The following SLC9A1 variants were observed in gnomAD, a reference collection of about 807,000 sequenced individuals.
SLC9A1 encodes the protein solute carrier family 9 member A1.
SLC9A1 carries 22 observed loss-of-function variants against 67.9 expected under a neutral mutation model. The observed-to-expected ratio is 0.32, with a 90% CI of 0.23 to 0.46. The LOEUF (loss-of-function observed/expected upper bound fraction) is 0.46, where lower values mean the gene tolerates loss of function less well. SLC9A1 is among the 20% of genes least tolerant of loss of function. The pLI is 1.00. For synonymous variants in SLC9A1, 421 were observed against 471.8 expected (o/e 0.89, Z 1.40); for missense variants, 686 against 1,094.8 (o/e 0.63, Z 5.27).
chr1:27,115,343 C>G (rs775813336), intron 1 of SLC9A1, among the ~76,000 whole-genome samples: 1 of 152,154 alleles, frequency 6.6e-6, no homozygotes, highest in African/African-American at 2.4e-5. Context: ...GTTGAGAGGG[C>G]CTCTCTCAAT....
rs2083125453 is a variant in SLC9A1, at chr1:27,099,708, C to T, written c.*599G>A. On this transcript the variant is annotated 3_prime_UTR_variant, in exon 12 of 12. Coordinates refer to ENST00000263980, the MANE Select transcript of SLC9A1 (RefSeq NM_003047.5). ...CACGTCACTGTCACCGTAGAAACCA[C>T]CCCTGCTCCAGGCAGAGACACTCAG... 6.6e-6 allele frequency: 1 copy of T among 152,576 alleles called. No homozygotes were observed. Among genetic ancestry groups the T allele is most frequent in the Admixed American group, 6.5e-5 (1 of 15,270 alleles). 9.5% of individuals were successfully genotyped at this position (152,576 alleles called of 1,614,324 possible). A position where few individuals can be genotyped will look rare whatever the true frequency, so the allele number is the denominator to read the frequency against.
rs952782624 is a variant in SLC9A1 at position 27,155,096 on chromosome 1, C to G, written c.-762G>C. On this transcript the variant is annotated 5_prime_UTR_variant, in exon 1 of 12. Coordinates refer to ENST00000263980, the MANE Select transcript of SLC9A1 (RefSeq NM_003047.5). The surrounding 1 kb of genome is among the most constrained non-coding windows in gnomAD (Gnocchi z 4.5). ...CCTCCTGGTCCAGCTCCAGAACTAA[C>G]CCTAGCCCCGGCCCCGGCGGCAGCA... 2.0e-5 allele frequency among the ~76,000 whole-genome samples: 3 copies of G among 152,180 alleles called. No individual in the cohort carries two copies. The highest frequency in any genetic ancestry group is 2.1e-4 in the South Asian group (1 of 4,822).
intron 1 of SLC9A1, among the ~76,000 whole-genome samples, chr1:27,142,933 A>T (rs1288308869): frequency 6.6e-6 from 1 of 151,826 alleles, no homozygotes; most frequent in Non-Finnish European, 1.5e-5. Flanking sequence ...ACCTCCTCCA[A>T]GGATTCATCC....
rs2083427828 is a variant in SLC9A1 at position 27,137,584 on chromosome 1, C to G, written c.352+16399G>C. 1.3e-5 allele frequency among the ~76,000 whole-genome samples: 2 copies of G among 152,204 alleles called. No homozygotes were observed. The highest frequency in any genetic ancestry group is 1.3e-4 in the Admixed American group (2 of 15,284). ...CCCCTTATCTTCTCCTCCTGGACTT[C>G]TGCAGTCTCTAGGATCCCTCCCAGT... On this transcript the variant is annotated intron_variant, in intron 1 of 11. Transcript: ENST00000263980. The surrounding 1 kb of genome is among the most constrained non-coding windows in gnomAD (Gnocchi z 4.6).
At chr1:27,131,953 T>A (rs113776411) in intron 1 of SLC9A1, among the ~76,000 whole-genome samples, 64,327 of 96,088 alleles carry the variant, frequency 0.67, 20,879 homozygotes, top group East Asian at 0.86. Flanking sequence ...AAAAAATATA[T>A]ATATATATAT....
At position 27,113,823 on chromosome 1, in the gene SLC9A1, C is replaced by T; in HGVS notation, c.813+3G>A. On this transcript the variant is annotated splice_donor_region_variant and intron_variant, in intron 2 of 11. Coordinates refer to ENST00000263980, the MANE Select transcript of SLC9A1 (RefSeq NM_003047.5). ...ACATGGGCATGGCCCCTGGCCTCCT[C>T]ACCACAGTGACGGCGTCATTGAGCA... 3.7e-6 allele frequency: 6 copies of T among 1,608,048 alleles called. No individual in the cohort carries two copies. The highest frequency in any genetic ancestry group is 5.1e-6 in the Non-Finnish European group (6 of 1,175,672).
rs2083249768 is a variant in SLC9A1 at position 27,114,091 on chromosome 1, G to C, written c.548C>G (p.Thr183Arg). ...AGYFLPLRQF[T>R]ENLGTILIFA... ...GATCAGGATGGTGCCCAGGTTTTCT[G>C]TGAACTGCCGCAGTGGCAGGAAGTA... The change falls in exon 2 of 12, where the codon ACA becomes AGA. Residue 183 changes from threonine to arginine, a missense_variant. Transcript: ENST00000263980. This position sits in a 1 kb window ranked among gnomAD's most constrained non-coding sequence, Gnocchi z 5.4. 3 of 1,614,198 alleles carry C rather than the reference G, an allele frequency of 1.9e-6. No homozygotes were observed. Among genetic ancestry groups the C allele is most frequent in the Non-Finnish European group, 2.5e-6 (3 of 1,180,040 alleles).
At position 27,100,047 on chromosome 1, in the gene SLC9A1, C is replaced by T; in HGVS notation, c.*260G>A. The T allele has an allele frequency of 2.4e-6, 1 of 415,332 alleles. No individual in the cohort carries two copies. Among genetic ancestry groups the T allele is most frequent in the Non-Finnish European group, 4.3e-6 (1 of 234,924 alleles). The allele number at this position is 415,332 out of a possible 1,614,324, so 25.7% of individuals were successfully genotyped here. ...GTCCAGGTCCGGGAGAAGCCTGGAT[C>T]TAGGGAGGGGCAGGGCCGGCCTCAC... On this transcript the variant is annotated 3_prime_UTR_variant, in exon 12 of 12. Transcript: ENST00000263980. This position sits in a 1 kb window ranked among gnomAD's most constrained non-coding sequence, Gnocchi z 5.6.
chr1:27,140,568 T>C (rs1265745125), intron 1 of SLC9A1, among the ~76,000 whole-genome samples: 1 of 152,060 alleles, frequency 6.6e-6, no homozygotes, highest in Non-Finnish European at 1.5e-5. Flanking sequence ...ATCACCCCCC[T>C]TTAGACTGGG....
chr1:27,125,205 C>T (rs910858413), intron 1 of SLC9A1, among the ~76,000 whole-genome samples: 3 of 145,118 alleles, frequency 2.1e-5, no homozygotes, highest in African/African-American at 5.1e-5. Context: ...TCCAATCAGT[C>T]TCTCTTCTCT....
rs1044904027 is a variant in SLC9A1 at position 27,106,536 on chromosome 1, T to C, written c.1283-449A>G. Among the ~76,000 whole-genome samples, 1 of 152,010 alleles carries C rather than the reference T, an allele frequency of 6.6e-6. No homozygotes were observed. Among genetic ancestry groups the C allele is most frequent in the Non-Finnish European group, 1.5e-5 (1 of 67,994 alleles). ...CCACAGAACCAGAATCCCTGGAGGA[T>C]GAGGCTCAGGAATAAAGGGGATTTC... On this transcript the variant is annotated intron_variant, in intron 4 of 11. Coordinates refer to ENST00000263980, the MANE Select transcript of SLC9A1 (RefSeq NM_003047.5). This position sits in a 1 kb window ranked among gnomAD's most constrained non-coding sequence, Gnocchi z 4.3.
At position 27,155,102 on chromosome 1, in the gene SLC9A1, C is replaced by A. The variant is rs369887024; in HGVS notation, c.-768G>T. On this transcript the variant is annotated 5_prime_UTR_variant, in exon 1 of 12. Transcript: ENST00000263980. The surrounding 1 kb of genome is among the most constrained non-coding windows in gnomAD (Gnocchi z 4.5). ...GGTCCAGCTCCAGAACTAACCCTAG[C>A]CCCGGCCCCGGCGGCAGCAGACTGA... 4.6e-5 allele frequency among the ~76,000 whole-genome samples: 7 copies of A among 152,064 alleles called. No individual in the cohort carries two copies. The highest frequency in any genetic ancestry group is 2.4e-5 in the African/African-American group (1 of 41,420).
At chr1:27,117,751 C>G (rs1234165771) in intron 1 of SLC9A1, among the ~76,000 whole-genome samples, 1 of 152,204 alleles carries the variant, frequency 6.6e-6, no homozygotes, top group Non-Finnish European at 1.5e-5. Flanking sequence ...TGAGGCTCAG[C>G]AAGGTTATGC....
intron 1 of SLC9A1, among the ~76,000 whole-genome samples, chr1:27,129,660 C>T (rs538488651): frequency 2.9e-4 from 44 of 152,258 alleles, no homozygotes; most frequent in African/African-American, 4.8e-4. Flanking sequence ...AGAGAGGGGA[C>T]GGAACTTGGT....
intron 2 of SLC9A1, among the ~76,000 whole-genome samples, chr1:27,111,474 A>C (rs944005489): frequency 6.6e-6 from 1 of 152,052 alleles, no homozygotes; most frequent in African/African-American, 2.4e-5. Context: ...AACTGTGTCA[A>C]CCTCATGGAG....
intron 1 of SLC9A1, among the ~76,000 whole-genome samples, chr1:27,148,976 G>C (rs184020907): frequency 8.1e-4 from 123 of 152,334 alleles, no homozygotes; most frequent in Admixed American, 7.3e-3. Context: ...GAGGGCACCG[G>C]AAGAGAGATA....
At chr1:27,120,195 G>T (rs1411180471) in intron 1 of SLC9A1, among the ~76,000 whole-genome samples, 1 of 151,858 alleles carries the variant, frequency 6.6e-6, no homozygotes, top group African/African-American at 2.4e-5. Context: ...GCGCGATTTC[G>T]GCTCACTACA....
chr1:27,146,014 C>T (rs942154663), intron 1 of SLC9A1, among the ~76,000 whole-genome samples: 3 of 152,178 alleles, frequency 2.0e-5, no homozygotes, highest in African/African-American at 7.2e-5. Flanking sequence ...TGATGTTTAT[C>T]GGCATCTAAA....
chr1:27,128,431 G>C (rs1228100683), intron 1 of SLC9A1, among the ~76,000 whole-genome samples: 1 of 152,104 alleles, frequency 6.6e-6, no homozygotes, highest in African/African-American at 2.4e-5. Context: ...CGAGGCGAGA[G>C]GATCACTTGA....
Sources: gnomAD v4.1 joint callset for allele counts (sites outside exome capture counted in the v4.1 genomes callset) on GRCh38, gnomAD v4.1.1 for gene constraint, Gnocchi (gnomAD v3.1) non-coding constraint, MANE v1.5 for transcripts, NCBI Gene and HGNC (gene_info 2026-07-23, HGNC 2026-07-21) for gene names.